Variants in PKD2L1 observed in about 807,000 individuals in gnomAD.
The protein encoded by PKD2L1 is polycystin-2-like protein 1.
Under a neutral mutation model 93.0 loss-of-function variants are expected in PKD2L1, and 77 were observed. That is an observed-to-expected ratio of 0.83 (90% CI 0.69 to 1.00). PKD2L1 has a LOEUF of 1.00. Among genes scored for constraint, PKD2L1 ranks in the 50% least tolerant of loss-of-function variants. The probability of loss-of-function intolerance (pLI) is 0.00; values close to 1 mark genes in which losing one functional copy is unlikely to be tolerated. For synonymous variants in PKD2L1, 390 were observed against 388.0 expected (o/e 1.01, Z -0.06); for missense variants, 977 against 990.9 (o/e 0.99, Z 0.19).
At chr10:100,298,877 A>G in intron 3 of PKD2L1, 62 bp from the exon 4 acceptor site, 1 of 1,516,566 alleles carries the variant, frequency 6.6e-7, no homozygotes, top group Non-Finnish European at 8.9e-7. Context: ...CTTTAGAATG[A>G]CCTTTGCCCT....
At chr10:100,298,902 C>T (rs557105208) in intron 3 of PKD2L1, 87 bp from the exon 4 acceptor site, 2 of 1,232,164 alleles carry the variant, frequency 1.6e-6, no homozygotes, top group African/African-American at 1.5e-5. Flanking sequence ...CTCTGACTCC[C>T]CAGCTTGTCT....
At chr10:100,298,509 T>C (rs528106730) in intron 4 of PKD2L1, 53 bp downstream of exon 4, 1 of 1,580,590 alleles carries the variant, frequency 6.3e-7, no homozygotes, top group African/African-American at 1.3e-5. Flanking sequence ...CTTGGGATGG[T>C]GTCAGGTTTA....
chr10:100,326,204 C>G (rs1849375560), intron 2 of PKD2L1, among the ~76,000 whole-genome samples: 2 of 152,194 alleles, frequency 1.3e-5, no homozygotes, highest in Non-Finnish European at 2.9e-5. Flanking sequence ...TAAAACTTTT[C>G]AATAGCTCTC....
At chr10:100,326,612 A>C (rs1849385445) in intron 2 of PKD2L1, among the ~76,000 whole-genome samples, 1 of 152,228 alleles carries the variant, frequency 6.6e-6, no homozygotes, top group Non-Finnish European at 1.5e-5. Context: ...GGCATCACAT[A>C]GATGAAGTCT....
At chr10:100,307,436 T>C (rs1016231867) in intron 2 of PKD2L1, among the ~76,000 whole-genome samples, 1 of 152,124 alleles carries the variant, frequency 6.6e-6, no homozygotes, top group Non-Finnish European at 1.5e-5. Flanking sequence ...GGCTTGAGGA[T>C]CACTTGAGCC....
chr10:100,318,499 A>G lies in PKD2L1; in HGVS notation c.349+10712T>C, dbSNP rs1849151935. Among the ~76,000 whole-genome samples the G allele has an allele frequency of 2.0e-5, 3 of 151,448 alleles. No individual in the cohort carries two copies. In the South Asian group the frequency reaches 6.3e-4, roughly 32 times the overall value. On this transcript the variant is annotated intron_variant, in intron 2 of 15. Coordinates refer to ENST00000318222, the MANE Select transcript of PKD2L1 (RefSeq NM_016112.3). ...CCTGGCCTCATCTACAACAATCCAGAGTATTGAGATGTTTTTCTTTTCTTT... is the reference window on the plus strand; with the variant it reads ...CCTGGCCTCATCTACAACAATCCAGGGTATTGAGATGTTTTTCTTTTCTTT...
chr10:100,316,876 C>T (rs759028536), intron 2 of PKD2L1, among the ~76,000 whole-genome samples: 18 of 152,160 alleles, frequency 1.2e-4, no homozygotes, highest in Admixed American at 5.2e-4. Context: ...AGCTTGAGCT[C>T]AGGAGTTCGA....
At chr10:100,298,524 G>A in intron 4 of PKD2L1, 38 bp downstream of exon 4, 1 of 1,605,364 alleles carries the variant, frequency 6.2e-7, no homozygotes, top group Non-Finnish European at 8.5e-7. Flanking sequence ...GGTTTAGAGG[G>A]GCAAGCCCTG....
chr10:100,296,530 A>C (rs1214682754), intron 6 of PKD2L1, among the ~76,000 whole-genome samples: 1 of 152,126 alleles, frequency 6.6e-6, no homozygotes, highest in Admixed American at 6.5e-5. Context: ...TAATGTATAG[A>C]TTGTAAAGGG....
Position 100,303,763 on chromosome 10 carries a change from A to G in PKD2L1, c.350-4045T>C. Reference sequence around the variant, plus strand: ...TACTTGTCATTAGTTATTTGGACTCAATTTTTCTGGATGTGAAAATGGGGT... The same window carrying G: ...TACTTGTCATTAGTTATTTGGACTCGATTTTTCTGGATGTGAAAATGGGGT... On this transcript the variant is annotated intron_variant, in intron 2 of 15. Coordinates refer to ENST00000318222, the MANE Select transcript of PKD2L1 (RefSeq NM_016112.3). Among the ~76,000 whole-genome samples, 2 of 152,142 alleles carry G rather than the reference A, an allele frequency of 1.3e-5. 1 individual carries two copies. The highest frequency in any genetic ancestry group is 2.9e-5 in the Non-Finnish European group (2 of 68,024).
intron 6 of PKD2L1, among the ~76,000 whole-genome samples, 175 bp from the exon 7 acceptor site, chr10:100,296,467 CA>C (rs909704724): frequency 1.3e-5 from 2 of 152,118 alleles, no homozygotes; most frequent in Admixed American, 6.5e-5. Flanking sequence ...GACTGGGGAG[CA>C]TCTTAAGTGT....
At chr10:100,292,229 G>T (rs912761516) in intron 11 of PKD2L1, among the ~76,000 whole-genome samples, 1 of 152,012 alleles carries the variant, frequency 6.6e-6, no homozygotes, top group Non-Finnish European at 1.5e-5. Flanking sequence ...TAATTACGTT[G>T]TCTCCTAATC....
rs575876129 is a variant in PKD2L1, at chr10:100,297,196, C to T, written c.969G>A (p.Glu323=). The T allele has an allele frequency of 3.7e-6, 6 of 1,613,696 alleles. No individual in the cohort carries two copies. The highest frequency in any genetic ancestry group is 5.1e-6 in the Non-Finnish European group (6 of 1,179,950). ...NLFCVLRLVV[E]FPATGGAIPS... Reference sequence around the variant, plus strand: ...GGATGGCACCTCCTGTAGCTGGAAACTCCACCACCAGCCTATAGGGGGAGG... The same window carrying T: ...GGATGGCACCTCCTGTAGCTGGAAATTCCACCACCAGCCTATAGGGGGAGG... Residue 323 remains glutamate, a synonymous_variant, in exon 6 of 16, where the codon GAG becomes GAA. Transcript: ENST00000318222.
At chr10:100,311,701 A>C (rs1220168453) in intron 2 of PKD2L1, among the ~76,000 whole-genome samples, 10 of 152,180 alleles carry the variant, frequency 6.6e-5, no homozygotes, top group Non-Finnish European at 1.2e-4. Flanking sequence ...GATGGAACAC[A>C]GTTGTCCTTT....
intron 11 of PKD2L1, among the ~76,000 whole-genome samples, chr10:100,291,705 C>T (rs1848410714): frequency 1.3e-5 from 2 of 152,264 alleles, no homozygotes; most frequent in African/African-American, 2.4e-5. Flanking sequence ...CCCCCAGCTT[C>T]CCCTTTACTC....
At chr10:100,304,880 C>T (rs1407234787) in intron 2 of PKD2L1, among the ~76,000 whole-genome samples, 1 of 152,170 alleles carries the variant, frequency 6.6e-6, no homozygotes, top group Non-Finnish European at 1.5e-5. Flanking sequence ...TGCAGCCAGA[C>T]AGATCTAGGT....
intron 2 of PKD2L1, 70 bp downstream of exon 2, chr10:100,329,141 T>C (rs1564618247): frequency 1.4e-6 from 2 of 1,465,782 alleles, no homozygotes; most frequent in Non-Finnish European, 9.5e-7. Context: ...CCCACAGGAA[T>C]GTTTATACAT....
At position 100,308,883 on chromosome 10, in the gene PKD2L1, GT is replaced by G. The variant is rs150660345; in HGVS notation, c.350-9166del. 6.6e-5 allele frequency among the ~76,000 whole-genome samples: 10 copies of G among 152,262 alleles called. No homozygotes were observed. The East Asian group carries it at 1.9e-3, about 29-fold the overall frequency. The stretch of plus-strand genomic sequence containing the variant: ...TAAGATGTCCTTATAAGCAAACTCT[GT>G]TTTAAGAGTTTAATAACTGAGTCTG... On this transcript the variant is annotated intron_variant, in intron 2 of 15. Coordinates refer to ENST00000318222, the MANE Select transcript of PKD2L1 (RefSeq NM_016112.3).
intron 2 of PKD2L1, among the ~76,000 whole-genome samples, chr10:100,304,106 C>T (rs1009606617): frequency 6.6e-6 from 1 of 152,114 alleles, no homozygotes. Flanking sequence ...ATTCAGTATT[C>T]GCTATTTGTA....
Sources: gnomAD v4.1 joint callset for allele counts (sites outside exome capture counted in the v4.1 genomes callset) on GRCh38, gnomAD v4.1.1 for gene constraint, MANE v1.5 for transcripts, NCBI Gene and HGNC (gene_info 2026-07-23, HGNC 2026-07-21) for gene names.